The following RANGAP1 variants were observed in gnomAD, a reference collection of about 807,000 sequenced individuals.
RANGAP1 encodes ran GTPase-activating protein 1.
Under a neutral mutation model 63.5 loss-of-function variants are expected in RANGAP1, and 38 were observed. The observed-to-expected ratio is 0.60, with a 90% CI of 0.46 to 0.78. The LOEUF is 0.78. Among genes scored for constraint, RANGAP1 ranks in the 30% least tolerant of loss-of-function variants. The pLI, the probability that RANGAP1 is intolerant of heterozygous loss-of-function variation, is 0.00. For missense variants in RANGAP1, 630 were observed against 740.3 expected, an observed-to-expected ratio of 0.85 and a Z score of 1.73; for synonymous variants, 329 against 310.5, an observed-to-expected ratio of 1.06 and a Z score of -0.63.
At position 41,271,698 on chromosome 22, in the gene RANGAP1, A is replaced by G. The variant is rs556424934; in HGVS notation, c.240+2902T>C. Among the ~76,000 whole-genome samples, 3 of 152,110 alleles carry G rather than the reference A, an allele frequency of 2.0e-5. No homozygotes were observed. In the South Asian group the frequency reaches 6.2e-4, roughly 32 times the overall value. On this transcript the variant is annotated intron_variant, in intron 3 of 15. Transcript: ENST00000356244. ...ACAGAGCGAGACTCCGTCTCAAAAA[A>G]AAAAAAAAAAGAGCTTGGGCTGACA...
upstream of RANGAP1, among the ~76,000 whole-genome samples, chr22:41,290,618 CT>C (rs1166606113): frequency 2.0e-5 from 3 of 152,104 alleles, no homozygotes; most frequent in Admixed American, 6.6e-5. Context: ...TGTTCCAGGC[CT>C]TTCTCTGTTG....
At chr22:41,295,406 C>T in the RANGAP1 span, among the ~76,000 whole-genome samples, 2 of 152,046 alleles carry the variant, frequency 1.3e-5, no homozygotes, top group East Asian at 3.9e-4. Flanking sequence ...TACCCCCAAC[C>T]CTGTGCTCTC....
At chr22:41,277,427 A>C (rs1253722439) in intron 2 of RANGAP1, 1 of 1,174,790 alleles carries the variant, frequency 8.5e-7, no homozygotes, top group African/African-American at 1.6e-5. Flanking sequence ...TCTGTATTCT[A>C]TAATAAACCT....
intron 13 of RANGAP1, among the ~76,000 whole-genome samples, chr22:41,250,280 C>T (rs1380644964): frequency 6.6e-6 from 1 of 152,248 alleles, no homozygotes; most frequent in Non-Finnish European, 1.5e-5. Flanking sequence ...GTGTCTGGCC[C>T]CCACCTCCTT....
rs1317327058 is a variant in RANGAP1 at position 41,255,323 on chromosome 22, T to C, written c.1073+698A>G. ...AGCACCGAGGAGACACGACTGAGTA[T>C]CTGACACACGAATGAGGCCGACTTG... On this transcript the variant is annotated intron_variant, in intron 10 of 15. Transcript: ENST00000356244. 2.0e-5 allele frequency among the ~76,000 whole-genome samples: 3 copies of C among 152,144 alleles called. No homozygotes were observed. In the East Asian group the frequency reaches 5.8e-4, roughly 29 times the overall value.
Position 41,285,664 on chromosome 22 carries a change from G to A in RANGAP1, c.-39+322C>T, listed in dbSNP as rs966812106. ...CAAATGATAGGCGGGCGGCGCAGGAGCCCCATCTGGAATCCCCGGCGGACT... is the reference window on the plus strand; with the variant it reads ...CAAATGATAGGCGGGCGGCGCAGGAACCCCATCTGGAATCCCCGGCGGACT... On this transcript the variant is annotated intron_variant, in intron 1 of 15. Transcript: ENST00000356244. 20 of 985,294 alleles carry A rather than the reference G, an allele frequency of 2.0e-5. No homozygotes were observed. In the African/African-American group the frequency reaches 2.8e-4, roughly 14 times the overall value. 61.0% of individuals were successfully genotyped at this position (985,294 alleles called of 1,614,324 possible).
the RANGAP1 span, among the ~76,000 whole-genome samples, chr22:41,301,229 G>C: frequency 2.0e-5 from 3 of 152,220 alleles, no homozygotes; most frequent in African/African-American, 7.2e-5. Context: ...GGAAGCCGGA[G>C]AAGGGGGGCG....
At chr22:41,287,798 C>T (rs1025150636), upstream of RANGAP1, among the ~76,000 whole-genome samples, 1 of 151,880 alleles carries the variant, frequency 6.6e-6, no homozygotes, top group Non-Finnish European at 1.5e-5. Flanking sequence ...ACCAGCCTGA[C>T]CAAAATGGAG....
the RANGAP1 span, among the ~76,000 whole-genome samples, chr22:41,294,672 G>C: frequency 7.3e-6 from 1 of 136,766 alleles, no homozygotes; most frequent in South Asian, 2.5e-4. Flanking sequence ...GCCGCCCATC[G>C]TCTGAGATGT....
chr22:41,294,469 G>A, the RANGAP1 span, among the ~76,000 whole-genome samples: 4 of 148,830 alleles, frequency 2.7e-5, no homozygotes, highest in African/African-American at 9.9e-5. Context: ...CTGCCCGGCC[G>A]CCACCCCGTC....
At chr22:41,261,305 G>A in intron 6 of RANGAP1, 141 bp downstream of exon 6, 1 of 1,313,276 alleles carries the variant, frequency 7.6e-7, no homozygotes, top group Non-Finnish European at 1.0e-6. Context: ...TTTCGGATGG[G>A]TTAACAGGCT....
Position 41,256,809 on chromosome 22 carries a change from G to C in RANGAP1, c.790C>G (p.Arg264Gly), listed in dbSNP as rs370522360. The stretch of plus-strand genomic sequence containing the variant: ...CCAAAATTAATCACCTCCACCTGCC[G>C]CAAGGTCTTCAAGGTCTGTGAGGGG... ...VAMAETLKTL[R>G]QVEVINFGDC... The change falls in exon 8 of 16, where the codon CGG (arginine) becomes GGG (glycine). Residue 264 changes from arginine to glycine, a missense_variant. Coordinates refer to ENST00000356244, the MANE Select transcript of RANGAP1 (RefSeq NM_002883.4). 3.1e-6 allele frequency: 5 copies of C among 1,613,766 alleles called. No individual in the cohort carries two copies. In the East Asian group the frequency reaches 8.9e-5, roughly 29 times the overall value.
chr22:41,259,870 G>A (rs1352677104), intron 6 of RANGAP1, among the ~76,000 whole-genome samples: 1 of 152,162 alleles, frequency 6.6e-6, no homozygotes, highest in Non-Finnish European at 1.5e-5. Flanking sequence ...GGTGGGCATG[G>A]TGGTGCACAC....
chr22:41,276,969 A>G (rs1456813403), intron 2 of RANGAP1, among the ~76,000 whole-genome samples: 3 of 146,108 alleles, frequency 2.1e-5, no homozygotes, highest in African/African-American at 7.6e-5. Flanking sequence ...TGGGCTACAG[A>G]GCGAGACTGT....
chr22:41,296,647 C>CAA, the RANGAP1 span, among the ~76,000 whole-genome samples: 41 of 76,814 alleles, frequency 5.3e-4, no homozygotes, highest in Admixed American at 7.0e-4. Flanking sequence ...ACTCCATCTC[C>CAA]AAAAAAAAAA....
chr22:41,297,556 G>T, the RANGAP1 span, among the ~76,000 whole-genome samples: 2 of 151,294 alleles, frequency 1.3e-5, no homozygotes, highest in Non-Finnish European at 2.9e-5. Flanking sequence ...TGTCACCCAG[G>T]CTGGAGTGCA....
chr22:41,254,977 A>G (rs2033729465), intron 10 of RANGAP1, among the ~76,000 whole-genome samples: 1 of 133,538 alleles, frequency 7.5e-6, no homozygotes, highest in Non-Finnish European at 1.7e-5. Flanking sequence ...ATCCCCCACA[A>G]AAAAACAAAA....
At position 41,257,643 on chromosome 22, in the gene RANGAP1, G is replaced by T. The variant is rs1477700145; in HGVS notation, c.774+305C>A. On this transcript the variant is annotated intron_variant, in intron 7 of 15. Transcript: ENST00000356244. This position sits in a 1 kb window ranked among gnomAD's most constrained non-coding sequence, Gnocchi z 4.0. The stretch of plus-strand genomic sequence containing the variant: ...GCTGAACAAATCAACCAGGAAAACA[G>T]ATGTGGGGAGCAGTCTGCTCCTGTG... Among the ~76,000 whole-genome samples, 1 of 152,252 alleles carries T rather than the reference G, an allele frequency of 6.6e-6. No homozygotes were observed. The highest frequency in any genetic ancestry group is 1.5e-5 in the Non-Finnish European group (1 of 68,044).
rs773893988 is a variant in RANGAP1 at position 41,281,030 on chromosome 22, G to A, written c.15C>T (p.Asp5=). Residue 5 remains aspartate, a synonymous_variant, in exon 2 of 16, where the codon GAC becomes GAT. Transcript: ENST00000356244. MASE[D]IAKLAETLAK... ...CAAGTGTCTCTGCCAGCTTGGCAAT[G>A]TCTTCCGAGGCCATGTTGACTAGGC... 4.9e-5 allele frequency: 79 copies of A among 1,605,206 alleles called. 1 individual carries two copies. In the Admixed American group the frequency reaches 1.2e-3, roughly 25 times the overall value.
Sources: gnomAD v4.1 joint callset for allele counts (sites outside exome capture counted in the v4.1 genomes callset) on GRCh38, gnomAD v4.1.1 for gene constraint, Gnocchi (gnomAD v3.1) non-coding constraint, MANE v1.5 for transcripts, NCBI Gene and HGNC (gene_info 2026-07-23, HGNC 2026-07-21) for gene names.